ZFAT: variants seen among roughly 807,000 people sequenced by gnomAD.
ZFAT encodes the protein zinc finger protein ZFAT.
Under a neutral mutation model 117.7 loss-of-function variants are expected in ZFAT, and 64 were observed. The ratio of observed to expected loss-of-function variants is 0.54; its 90% CI spans 0.44 to 0.67. The LOEUF (loss-of-function observed/expected upper bound fraction) is 0.67. ZFAT is among the 30% of genes least tolerant of loss of function. The pLI is 0.00. For missense variants in ZFAT, 1,433 were observed against 1,584.5 expected (o/e 0.90, Z 1.62); for synonymous variants, 679 against 615.0 (o/e 1.10, Z -1.54).
intron 3 of ZFAT, among the ~76,000 whole-genome samples, chr8:134,634,115 G>A (rs946072888): frequency 6.6e-6 from 1 of 152,018 alleles, no homozygotes; most frequent in Admixed American, 6.6e-5. Context: ...GCTACCATGA[G>A]AATTAAAATG....
At chr8:134,692,406 G>A (rs1031858173) in intron 1 of ZFAT, among the ~76,000 whole-genome samples, 2 of 152,312 alleles carry the variant, frequency 1.3e-5, no homozygotes, top group East Asian at 1.9e-4. Context: ...CAGCAGGTGC[G>A]CCCCAGCCCT....
the ZFAT span, chr8:134,792,482 A>C: frequency 1.3e-5 from 2 of 152,236 alleles, no homozygotes. Context: ...AGATAAAACC[A>C]TTGTTTTTCA....
In ZFAT at chr8:134,712,727, CGGCCGGCGGCCGG is replaced by C. The variant is rs1814061595; in HGVS notation, c.19+105_19+117del. 3.4e-6 allele frequency: 3 copies of C among 874,638 alleles called. No homozygotes were observed. In the African/African-American group the frequency reaches 5.8e-5, roughly 17 times the overall value. The allele number at this position is 874,638 out of a possible 1,614,324, so 54.2% of individuals were successfully genotyped here. A position where few individuals can be genotyped will look rare whatever the true frequency, so the allele number is the denominator to read the frequency against. The stretch of plus-strand genomic sequence containing the variant: ...CAGACCCGGATCCCTCCGCGGCCGG[CGGCCGGCGGCCGG>C]CGGCCGGCGCACTGCTTCCCGACTC... On this transcript the variant is annotated intron_variant, in intron 1 of 15. Transcript: ENST00000377838.
chr8:134,581,392 G>C (rs117558862), intron 10 of ZFAT, among the ~76,000 whole-genome samples: 2,112 of 152,222 alleles, frequency 0.014, 28 homozygotes, highest in Middle Eastern at 0.054. Context: ...CATCCCTTTT[G>C]CTCTACTTTA....
intron 1 of ZFAT, among the ~76,000 whole-genome samples, chr8:134,693,948 CA>C (rs1326907333): frequency 2.0e-5 from 3 of 152,216 alleles, no homozygotes; most frequent in Non-Finnish European, 4.4e-5. Flanking sequence ...GCTGAGAACG[CA>C]GCATTATTTC....
At chr8:134,672,760 T>A (rs775871626) in intron 1 of ZFAT, among the ~76,000 whole-genome samples, 10 of 152,172 alleles carry the variant, frequency 6.6e-5, no homozygotes, top group Non-Finnish European at 1.3e-4. Context: ...ACTGTCCACC[T>A]AAAATTCCAT....
At chr8:134,680,728 A>C (rs1833034886) in intron 1 of ZFAT, among the ~76,000 whole-genome samples, 1 of 152,246 alleles carries the variant, frequency 6.6e-6, no homozygotes, top group Non-Finnish European at 1.5e-5. Context: ...ATAATAAAAA[A>C]AAAGTTCTAG....
the ZFAT span, among the ~76,000 whole-genome samples, chr8:134,776,064 T>C: frequency 6.1e-3 from 931 of 152,286 alleles, 4 homozygotes; most frequent in Non-Finnish European, 9.9e-3. Flanking sequence ...GTAAATGCTG[T>C]TTTCAGCTCT....
chr8:134,510,010 C>T (rs1819696891), intron 14 of ZFAT: 1 of 490,370 alleles, frequency 2.0e-6, no homozygotes, highest in African/African-American at 1.9e-5. Context: ...TTGTAGAAGC[C>T]TCATTTGGGC....
the ZFAT span, among the ~76,000 whole-genome samples, chr8:134,721,436 G>A: frequency 6.6e-6 from 1 of 152,190 alleles, no homozygotes; most frequent in African/African-American, 2.4e-5. Flanking sequence ...TTCAAACCGA[G>A]GAGCTCACAG....
chr8:134,819,861 C>T, the ZFAT span, among the ~76,000 whole-genome samples: 2 of 151,720 alleles, frequency 1.3e-5, no homozygotes, highest in African/African-American at 4.8e-5. Flanking sequence ...TAGCTTCTCA[C>T]GGGGGGAAGA....
intron 2 of ZFAT, among the ~76,000 whole-genome samples, chr8:134,646,787 T>C (rs1830923894): frequency 6.6e-6 from 1 of 152,032 alleles, no homozygotes; most frequent in African/African-American, 2.4e-5. Flanking sequence ...GCCAACCAAC[T>C]AGATAACCTA....
rs774674770 is a variant in ZFAT at position 134,602,785 on chromosome 8, C to T, written c.934G>A (p.Ala312Thr). ...TTGCGCAGGTGCACATTGAGGTTGG[C>T]CTTGATGGCACTGGCATAGCTGCAC... ...PQCSYASAIK[A>T]NLNVHLRKHT... The change falls in exon 6 of 16, where the codon GCC becomes ACC. Residue 312 changes from alanine (A) to threonine (T), a missense_variant. Physicochemically the swap from Ala to Thr is moderately conservative, Grantham distance 58. Transcript: ENST00000377838. The T allele has an allele frequency of 9.9e-6, 16 of 1,614,048 alleles. No homozygotes were observed. The highest frequency in any genetic ancestry group is 1.3e-5 in the African/African-American group (1 of 74,916).
chr8:134,718,265 G>A, the ZFAT span, among the ~76,000 whole-genome samples: 10 of 152,258 alleles, frequency 6.6e-5, no homozygotes, highest in South Asian at 1.0e-3. Flanking sequence ...TTGGGAGGCC[G>A]AGGCAGGAGG....
intron 11 of ZFAT, among the ~76,000 whole-genome samples, chr8:134,558,888 C>A (rs373492118): frequency 6.6e-6 from 1 of 152,288 alleles, no homozygotes; most frequent in East Asian, 1.9e-4. Context: ...AGTGGTGCAG[C>A]CAGAAATTGA....
the ZFAT span, among the ~76,000 whole-genome samples, chr8:134,815,316 G>A: frequency 1.7e-4 from 26 of 152,238 alleles, no homozygotes; most frequent in Non-Finnish European, 3.4e-4. Flanking sequence ...AATGGTATTT[G>A]CTCTAGATAA....
At chr8:134,555,905 A>G (rs1823557435) in intron 11 of ZFAT, among the ~76,000 whole-genome samples, 1 of 149,164 alleles carries the variant, frequency 6.7e-6, no homozygotes, top group Non-Finnish European at 1.5e-5. Context: ...TGGGAGGCTG[A>G]GGCAGGAGGA....
At chr8:134,491,035 T>C (rs1425467792) in intron 15 of ZFAT, among the ~76,000 whole-genome samples, 1 of 152,208 alleles carries the variant, frequency 6.6e-6, no homozygotes. Flanking sequence ...AGAATGTCCC[T>C]CACAACCAAG....
the ZFAT span, among the ~76,000 whole-genome samples, chr8:134,824,806 T>C: frequency 1.3e-5 from 2 of 152,196 alleles, no homozygotes; most frequent in Non-Finnish European, 2.9e-5. Context: ...TTCACTCAAG[T>C]TAAAACTATC....
Sources: allele counts gnomAD v4.1 joint callset (sites outside exome capture counted in the v4.1 genomes callset), GRCh38; gene constraint gnomAD v4.1.1; transcripts MANE v1.5; gene names NCBI Gene and HGNC (gene_info 2026-07-23, HGNC 2026-07-21).